The following CXCR5 variants were observed in gnomAD, a reference collection of about 807,000 sequenced individuals.
The protein encoded by CXCR5 is C-X-C motif chemokine receptor 5, also known as C-X-C chemokine receptor type 5.
Under a neutral mutation model 5.6 loss-of-function variants are expected in CXCR5, and 3 were observed. That is an observed-to-expected ratio of 0.54 (90% confidence interval 0.24 to 1.39). The LOEUF (loss-of-function observed/expected upper bound fraction) is 1.39, where lower values mean the gene tolerates loss of function less well. Ranked by LOEUF, CXCR5 falls within the 40% of genes most tolerant of loss-of-function variation. The pLI, the probability that CXCR5 is intolerant of heterozygous loss-of-function variation, is 0.16. For synonymous variants in CXCR5, 218 were observed against 219.9 expected (o/e 0.99, Z 0.08); for missense variants, 333 against 494.6 (o/e 0.67, Z 3.10).
rs1939746051 is a variant in CXCR5 at position 118,888,176 on chromosome 11, ATC to A, written c.51+4188_51+4189del. On this transcript the variant is annotated intron_variant, in intron 1 of 1. Coordinates refer to ENST00000292174, the MANE Select transcript of CXCR5 (RefSeq NM_001716.5). ...CAGCCTCCTTCTTCCCAGGGCAGGA[ATC>A]TCTTCCCACACACTTGGGCTCAAAC... 2.6e-5 allele frequency among the ~76,000 whole-genome samples: 4 copies of A among 152,136 alleles called. No homozygotes were observed. In the South Asian group the frequency reaches 8.3e-4, roughly 32 times the overall value.
In CXCR5 at chr11:118,896,935, T is replaced by A. The variant is rs1939943632; in HGVS notation, c.*2272T>A. On this transcript the variant is annotated 3_prime_UTR_variant, in exon 2 of 2. Transcript: ENST00000292174. ...AGGGGGACAAACACCCAGTCGTATATGGCTTCAGCTCTGACCAAAGGCGGA... is the reference window on the plus strand; with the variant it reads ...AGGGGGACAAACACCCAGTCGTATAAGGCTTCAGCTCTGACCAAAGGCGGA... The A allele has an allele frequency of 6.5e-6, 1 of 152,716 alleles. No individual in the cohort carries two copies. Among genetic ancestry groups the A allele is most frequent in the South Asian group, 2.1e-4 (1 of 4,840 alleles). 9.5% of individuals were successfully genotyped at this position (152,716 alleles called of 1,614,324 possible). A position where few individuals can be genotyped will look rare whatever the true frequency, so the allele number is the denominator to read the frequency against.
Position 118,893,673 on chromosome 11 carries a change from G to C in CXCR5, c.129G>C (p.Gly43=), listed in dbSNP as rs2230319. Residue 43 remains glycine, a synonymous_variant, in exon 2 of 2, where the codon GGG becomes GGC. Transcript: ENST00000292174. The surrounding 1 kb of genome is among the most constrained non-coding windows in gnomAD (Gnocchi z 5.7). The part of the protein sequence containing the change: ...VENHLCPATE[G]PLMASFKAVF... ...ATCATCTCTGCCCTGCCACAGAGGG[G>C]CCCCTCATGGCCTCCTTCAAGGCCG... The C allele has an allele frequency of 1.5e-4, 244 of 1,613,536 alleles. No homozygotes were observed. Among genetic ancestry groups the C allele is most frequent in the South Asian group, 2.0e-4 (18 of 91,076 alleles).
rs938627316 is a variant in CXCR5 at position 118,895,653 on chromosome 11, C to G, written c.*990C>G. 1 of 167,174 alleles carries G rather than the reference C, an allele frequency of 6.0e-6. No homozygotes were observed. The highest frequency in any genetic ancestry group is 2.4e-5 in the African/African-American group (1 of 41,438). 10.4% of individuals were successfully genotyped at this position (167,174 alleles called of 1,614,324 possible). A position where few individuals can be genotyped will look rare whatever the true frequency, so the allele number is the denominator to read the frequency against. The stretch of plus-strand genomic sequence containing the variant: ...CTATAGACCCGAGGAAACTCAGAGT[C>G]GGAACGGAGAAAGGTGGACTGGAAG... On this transcript the variant is annotated 3_prime_UTR_variant, in exon 2 of 2. Transcript: ENST00000292174. The surrounding 1 kb of genome is among the most constrained non-coding windows in gnomAD (Gnocchi z 4.2).
Position 118,884,009 on chromosome 11 carries a change from A to T in CXCR5, c.51+17A>T. 1 of 1,611,794 alleles carries T rather than the reference A, an allele frequency of 6.2e-7. No individual in the cohort carries two copies. Among genetic ancestry groups the T allele is most frequent in the African/African-American group, 1.3e-5 (1 of 74,958 alleles). On this transcript the variant is annotated intron_variant, in intron 1 of 1. Transcript: ENST00000292174. ...GAGGACCTGGTGAGTAGACACGGGT[A>T]GCTTCCTGTCGCCGAGGCCCTGTCT...
chr11:118,897,520 G>A lies in CXCR5; in HGVS notation c.*2857G>A, dbSNP rs1024495264. 9 of 336,200 alleles carry A rather than the reference G, an allele frequency of 2.7e-5. No individual in the cohort carries two copies. The highest frequency in any genetic ancestry group is 9.0e-5 in the South Asian group (4 of 44,248). 20.8% of individuals were successfully genotyped at this position (336,200 alleles called of 1,614,324 possible). A position where few individuals can be genotyped will look rare whatever the true frequency, so the allele number is the denominator to read the frequency against. On this transcript the variant is annotated 3_prime_UTR_variant, in exon 2 of 2. Coordinates refer to ENST00000292174, the MANE Select transcript of CXCR5 (RefSeq NM_001716.5). ...ATCACTCAGCAGCAGACAGGCTGCCGCCCTGGGGGTCTCAGCCCTGCTAGG... is the reference window on the plus strand; with the variant it reads ...ATCACTCAGCAGCAGACAGGCTGCCACCCTGGGGGTCTCAGCCCTGCTAGG...
chr11:118,894,515 T>C lies in CXCR5; in HGVS notation c.971T>C (p.Phe324Ser), dbSNP rs1192201436. Reference protein sequence around the residue: ...HCCLNPMLYTFAGVKFRSDLS... With the variant: ...HCCLNPMLYTSAGVKFRSDLS... ...TGCCTCAACCCCATGCTCTACACTTTCGCCGGCGTGAAGTTCCGCAGTGAC... is the reference window on the plus strand; with the variant it reads ...TGCCTCAACCCCATGCTCTACACTTCCGCCGGCGTGAAGTTCCGCAGTGAC... The change falls in exon 2 of 2, where the codon TTC (phenylalanine) becomes TCC (serine). Residue 324 changes from phenylalanine to serine, a missense_variant. Coordinates refer to ENST00000292174, the MANE Select transcript of CXCR5 (RefSeq NM_001716.5). The surrounding 1 kb of genome is among the most constrained non-coding windows in gnomAD (Gnocchi z 6.1). 2 of 1,593,284 alleles carry C rather than the reference T, an allele frequency of 1.3e-6. No individual in the cohort carries two copies. Among genetic ancestry groups the C allele is most frequent in the Middle Eastern group, 1.7e-4 (1 of 5,950 alleles).
Position 118,897,649 on chromosome 11 carries a change from C to T in CXCR5, c.*2986C>T. ...AGACAGGAATGGTATCCCTTAGGGA[C>T]CCAGAGACACTGCAAACAGTGGGTG... is the stretch of plus-strand genomic sequence containing the variant. On this transcript the variant is annotated 3_prime_UTR_variant, in exon 2 of 2. Coordinates refer to ENST00000292174, the MANE Select transcript of CXCR5 (RefSeq NM_001716.5). 1 of 390,976 alleles carries T rather than the reference C, an allele frequency of 2.6e-6. No individual in the cohort carries two copies. Among genetic ancestry groups the T allele is most frequent in the Non-Finnish European group, 5.0e-6 (1 of 199,464 alleles). 24.2% of individuals were successfully genotyped at this position (390,976 alleles called of 1,614,324 possible). A position where few individuals can be genotyped will look rare whatever the true frequency, so the allele number is the denominator to read the frequency against.
chr11:118,889,492 C>T (rs1225331717), intron 1 of CXCR5, among the ~76,000 whole-genome samples: 1 of 152,212 alleles, frequency 6.6e-6, no homozygotes, highest in Non-Finnish European at 1.5e-5. Context: ...AGCACATGCC[C>T]CATGGTATTC....
Position 118,890,760 on chromosome 11 carries a change from T to C in CXCR5, c.52-2836T>C, listed in dbSNP as rs1044535037. On this transcript the variant is annotated intron_variant, in intron 1 of 1. Coordinates refer to ENST00000292174, the MANE Select transcript of CXCR5 (RefSeq NM_001716.5). The stretch of plus-strand genomic sequence containing the variant: ...ATGAAAGTAGAACCATTTTCTTCAA[T>C]GAAAGCTTATGTGTGAAGCACTGCA... Among the ~76,000 whole-genome samples, 3 of 152,180 alleles carry C rather than the reference T, an allele frequency of 2.0e-5. No homozygotes were observed. In the East Asian group the frequency reaches 5.8e-4, roughly 29 times the overall value.
Position 118,893,879 on chromosome 11 carries a change from C to G in CXCR5, c.335C>G (p.Ser112Cys). 1.2e-6 allele frequency: 2 copies of G among 1,614,180 alleles called. No homozygotes were observed. The highest frequency in any genetic ancestry group is 1.7e-6 in the Non-Finnish European group (2 of 1,180,042). The change falls in exon 2 of 2, where the codon TCT becomes TGT. Residue 112 changes from serine (S) to cysteine (C), a missense_variant. By Grantham distance (112) the Ser-to-Cys change is moderately radical. Coordinates refer to ENST00000292174, the MANE Select transcript of CXCR5 (RefSeq NM_001716.5). The surrounding 1 kb of genome is among the most constrained non-coding windows in gnomAD (Gnocchi z 5.7). ...TTGCCCTTTGCCGTGGCCGAGGGCTCTGTGGGCTGGGTCCTGGGGACCTTC... is the reference window on the plus strand; with the variant it reads ...TTGCCCTTTGCCGTGGCCGAGGGCTGTGTGGGCTGGGTCCTGGGGACCTTC... ...FILPFAVAEGSVGWVLGTFLC... is the reference protein window; with the variant it reads ...FILPFAVAEGCVGWVLGTFLC...
chr11:118,894,399 G>A lies in CXCR5; in HGVS notation c.855G>A (p.Ala285=), dbSNP rs113967672. The A allele has an allele frequency of 4.2e-3, 6,808 of 1,614,210 alleles. 21 individuals are homozygous for A. Among genetic ancestry groups the A allele is most frequent in the Non-Finnish European group, 4.9e-3 (5,788 of 1,180,038 alleles). The part of the protein sequence containing the change: ...YHIVIFLDTL[A]RLKAVDNTCK... ...TCGTCATCTTCCTGGACACCCTGGC[G>A]AGGCTGAAGGCCGTGGACAATACCT... is the stretch of plus-strand genomic sequence containing the variant. Residue 285 remains alanine (A), a synonymous_variant, in exon 2 of 2, where the codon GCG becomes GCA. Coordinates refer to ENST00000292174, the MANE Select transcript of CXCR5 (RefSeq NM_001716.5). This position sits in a 1 kb window ranked among gnomAD's most constrained non-coding sequence, Gnocchi z 6.1.
chr11:118,887,237 G>C (rs1939726971), intron 1 of CXCR5: 1 of 985,340 alleles, frequency 1.0e-6, no homozygotes. Context: ...GGCAGAAACA[G>C]TGGCCGCATA....
Position 118,895,012 on chromosome 11 carries a change from G to A in CXCR5, c.*349G>A, listed in dbSNP as rs770156751. ...AACTTCTACTTCTGCCCTTGCCAACGGAGAGCGCCTGCCCCTCCCAGAACA... is the reference window on the plus strand; with the variant it reads ...AACTTCTACTTCTGCCCTTGCCAACAGAGAGCGCCTGCCCCTCCCAGAACA... On this transcript the variant is annotated 3_prime_UTR_variant, in exon 2 of 2. Transcript: ENST00000292174. The surrounding 1 kb of genome is among the most constrained non-coding windows in gnomAD (Gnocchi z 4.2). The A allele has an allele frequency of 1.3e-5, 3 of 222,538 alleles. No homozygotes were observed. Among genetic ancestry groups the A allele is most frequent in the East Asian group, 1.1e-4 (1 of 8,962 alleles). The allele number at this position is 222,538 out of a possible 1,614,324, so 13.8% of individuals were successfully genotyped here. A position where few individuals can be genotyped will look rare whatever the true frequency, so the allele number is the denominator to read the frequency against.
In CXCR5 at chr11:118,894,248, G is replaced by A; in HGVS notation, c.704G>A (p.Gly235Asp). Residue 235 changes from glycine to aspartate, a missense_variant, in exon 2 of 2, where the codon GGC (glycine) becomes GAC (aspartate). By Grantham distance (94) the Gly-to-Asp change is moderately conservative. Transcript: ENST00000292174. The surrounding 1 kb of genome is among the most constrained non-coding windows in gnomAD (Gnocchi z 6.1). ...AGFLLPMLVMGWCYVGVVHRL... is the reference protein window; with the variant it reads ...AGFLLPMLVMDWCYVGVVHRL... ...TTCCTGCTGCCCATGCTGGTGATGG[G>A]CTGGTGCTACGTGGGGGTAGTGCAC... The A allele has an allele frequency of 6.2e-7, 1 of 1,614,100 alleles. No individual in the cohort carries two copies. Among genetic ancestry groups the A allele is most frequent in the East Asian group, 2.2e-5 (1 of 44,872 alleles).
chr11:118,893,460 C>T lies in CXCR5; in HGVS notation c.52-136C>T, dbSNP rs1939843252. 1.4e-6 allele frequency: 2 copies of T among 1,437,950 alleles called. No homozygotes were observed. Among genetic ancestry groups the T allele is most frequent in the Admixed American group, 5.5e-5 (2 of 36,442 alleles). The allele number at this position is 1,437,950 out of a possible 1,614,324, so 89.1% of individuals were successfully genotyped here. On this transcript the variant is annotated intron_variant, in intron 1 of 1. Coordinates refer to ENST00000292174, the MANE Select transcript of CXCR5 (RefSeq NM_001716.5). This position sits in a 1 kb window ranked among gnomAD's most constrained non-coding sequence, Gnocchi z 5.7. Reference sequence around the variant, plus strand: ...GTTGGAAAAGACAAAGTGATTTGTTCAAAATTGAAATTTGAAACTTGACAT... The same window carrying T: ...GTTGGAAAAGACAAAGTGATTTGTTTAAAATTGAAATTTGAAACTTGACAT...
At chr11:118,886,567 T>C (rs1730902795) in intron 1 of CXCR5, 1 of 360,144 alleles carries the variant, frequency 2.8e-6, no homozygotes, top group Non-Finnish European at 5.4e-6. Flanking sequence ...AACAAGAAGA[T>C]TCCAGGTCCT....
At chr11:118,890,601 G>T (rs569896161) in intron 1 of CXCR5, among the ~76,000 whole-genome samples, 1 of 152,088 alleles carries the variant, frequency 6.6e-6, no homozygotes, top group East Asian at 1.9e-4. Context: ...TTGGGGAAAG[G>T]CCGGGGGGTG....
rs1939922947 is a variant in CXCR5, at chr11:118,896,438, G to A, written c.*1775G>A. The A allele has an allele frequency of 6.6e-6, 1 of 152,526 alleles. No individual in the cohort carries two copies. The highest frequency in any genetic ancestry group is 2.4e-5 in the African/African-American group (1 of 41,456). 9.4% of individuals were successfully genotyped at this position (152,526 alleles called of 1,614,324 possible). On this transcript the variant is annotated 3_prime_UTR_variant, in exon 2 of 2. Transcript: ENST00000292174. Reference sequence around the variant, plus strand: ...TCTGACCCCTCTCTCCTCAGGGCAGGAAACACAGAGTCAGACAGTTTGGGG... The same window carrying A: ...TCTGACCCCTCTCTCCTCAGGGCAGAAAACACAGAGTCAGACAGTTTGGGG...
Position 118,897,017 on chromosome 11 carries a change from G to A in CXCR5, c.*2354G>A, listed in dbSNP as rs1225842887. ...CAAGGGGGAGGCAGTGGCTGTGCCT[G>A]GGTGGGCACAGACAGATCTGGTACA... On this transcript the variant is annotated 3_prime_UTR_variant, in exon 2 of 2. Coordinates refer to ENST00000292174, the MANE Select transcript of CXCR5 (RefSeq NM_001716.5). 1.0e-4 allele frequency: 16 copies of A among 153,022 alleles called. 1 individual carries two copies. The Admixed American group carries it at 1.0e-3, about 10-fold the overall frequency. 9.5% of individuals were successfully genotyped at this position (153,022 alleles called of 1,614,324 possible).
Sources: gnomAD v4.1 joint callset for allele counts (sites outside exome capture counted in the v4.1 genomes callset) on GRCh38, gnomAD v4.1.1 for gene constraint, Gnocchi (gnomAD v3.1) non-coding constraint, MANE v1.5 for transcripts, NCBI Gene and HGNC (gene_info 2026-07-23, HGNC 2026-07-21) for gene names.